Variants in DTHD1 observed in about 807,000 individuals in gnomAD.
DTHD1 encodes the protein death domain containing 1, also known as death domain-containing protein 1.
A neutral mutation model predicts 74.8 loss-of-function variants in DTHD1; 59 were observed. The ratio of observed to expected loss-of-function variants is 0.79; its 90% CI spans 0.64 to 0.98. The LOEUF is 0.98. Ranked by LOEUF, DTHD1 falls within the 50% of genes least tolerant of loss-of-function variation. The pLI is 0.00. For synonymous variants in DTHD1, 365 were observed against 371.1 expected, an observed-to-expected ratio of 0.98 and a Z score of 0.19; for missense variants, 1,051 against 1,065.4, an observed-to-expected ratio of 0.99 and a Z score of 0.19.
chr4:36,284,113 T>A lies in DTHD1; in HGVS notation c.409T>A (p.Ser137Thr). Residue 137 changes from serine to threonine, a missense_variant, in exon 2 of 10, where the codon TCC becomes ACC. Transcript: ENST00000639862. ...HDECTPQQTM[S>T]SIQDTKAADI... ...TGAATGTACTCCACAGCAGACAATG[T>A]CCTCCATTCAAGATACCAAAGCAGC... 1.3e-6 allele frequency: 2 copies of A among 1,537,232 alleles called. No homozygotes were observed. The highest frequency in any genetic ancestry group is 1.7e-6 in the Non-Finnish European group (2 of 1,146,892).
At chr4:36,341,031 G>A (rs1471044449) in intron 9 of DTHD1, among the ~76,000 whole-genome samples, 1 of 152,146 alleles carries the variant, frequency 6.6e-6, no homozygotes, top group East Asian at 1.9e-4. Flanking sequence ...AGTGCAGTGA[G>A]TAGAAGTAGG....
At chr4:36,299,124 AT>A (rs1756612386) in intron 5 of DTHD1, among the ~76,000 whole-genome samples, 1 of 152,014 alleles carries the variant, frequency 6.6e-6, no homozygotes, top group East Asian at 1.9e-4. Context: ...GAAATTTTCA[AT>A]TATTCTTTTG....
At chr4:36,318,236 T>A (rs1460118830) in intron 8 of DTHD1, among the ~76,000 whole-genome samples, 1 of 152,252 alleles carries the variant, frequency 6.6e-6, no homozygotes, top group East Asian at 1.9e-4. Context: ...ATGCTGTCAC[T>A]TTGTTAGCAC....
At chr4:36,306,896 A>C (rs1757087480) in intron 6 of DTHD1, among the ~76,000 whole-genome samples, 1 of 152,212 alleles carries the variant, frequency 6.6e-6, no homozygotes, top group Non-Finnish European at 1.5e-5. Context: ...TTTCCTAGGA[A>C]TAGAGTCTGA....
chr4:36,347,278 TTA>T lies in DTHD1; in HGVS notation c.*3456_*3457del, dbSNP rs767541086. ...ATGAAATTTTGCAGTATATATTCTT[TTA>T]TGTTTGACTTTTTATTCAACTTTAT... On this transcript the variant is annotated 3_prime_UTR_variant, in exon 10 of 10. Transcript: ENST00000639862. Among the ~76,000 whole-genome samples, 6 of 152,318 alleles carry T rather than the reference TTA, an allele frequency of 3.9e-5. No individual in the cohort carries two copies. Among genetic ancestry groups the T allele is most frequent in the South Asian group, 2.1e-4 (1 of 4,832 alleles).
rs1578430090 is a variant in DTHD1, at chr4:36,284,161, C to T, written c.457C>T (p.Leu153=). The T allele has an allele frequency of 3.9e-6, 6 of 1,537,148 alleles. No individual in the cohort carries two copies. The East Asian group carries it at 1.5e-4, about 38-fold the overall frequency. The part of the protein sequence containing the change: ...KAADIAARGE[L]NVIETATVSP... ...AGCAGACATTGCTGCAAGAGGGGAA[C>T]TAAATGTCATAGAAACAGCTACTGT... The change falls in exon 2 of 10, where the codon CTA becomes TTA. Residue 153 remains leucine (L), a synonymous_variant. Coordinates refer to ENST00000639862, the MANE Select transcript of DTHD1 (RefSeq NM_001170700.3).
chr4:36,342,616 T>C (rs778806593), intron 9 of DTHD1, among the ~76,000 whole-genome samples: 3 of 152,028 alleles, frequency 2.0e-5, no homozygotes, highest in Non-Finnish European at 4.4e-5. Context: ...TTCCACAGAA[T>C]TGTTTTTGGG....
chr4:36,339,071 A>G (rs1439575654), intron 8 of DTHD1, 41 bp from the exon 9 acceptor site: 1 of 1,485,622 alleles, frequency 6.7e-7, no homozygotes. Flanking sequence ...TCACAAATTA[A>G]TTACTTCTTC....
intron 3 of DTHD1, among the ~76,000 whole-genome samples, chr4:36,291,603 C>T (rs1489219936): frequency 2.6e-5 from 4 of 152,058 alleles, no homozygotes; most frequent in South Asian, 2.1e-4. Flanking sequence ...CCAAGGTGGG[C>T]GAATCACCTG....
intron 7 of DTHD1, chr4:36,315,679 TCAA>T (rs1757671509): frequency 3.3e-5 from 5 of 152,232 alleles, no homozygotes; most frequent in Admixed American, 6.5e-5. Flanking sequence ...GCTGAATATT[TCAA>T]GTAGTTTCTG....
intron 8 of DTHD1, chr4:36,332,730 G>A (rs1758770394): frequency 6.6e-6 from 1 of 152,152 alleles, no homozygotes; most frequent in Admixed American, 6.5e-5. Flanking sequence ...TCAATCAGGA[G>A]ACCTGATCAC....
At chr4:36,337,715 G>A (rs890481087) in intron 8 of DTHD1, among the ~76,000 whole-genome samples, 1 of 152,060 alleles carries the variant, frequency 6.6e-6, no homozygotes, top group Non-Finnish European at 1.5e-5. Flanking sequence ...CCATGTTTAT[G>A]TAATATTTGT....
chr4:36,332,498 C>T (rs1270454638), intron 8 of DTHD1, among the ~76,000 whole-genome samples: 1 of 152,172 alleles, frequency 6.6e-6, no homozygotes, highest in Non-Finnish European at 1.5e-5. Context: ...CCAAACAAAT[C>T]AGCCCTAAAG....
chr4:36,338,274 A>C (rs1375115481), intron 8 of DTHD1, among the ~76,000 whole-genome samples: 1 of 152,186 alleles, frequency 6.6e-6, no homozygotes, highest in Admixed American at 6.5e-5. Context: ...GGCCCTTGCA[A>C]ATTGTCCCAT....
At chr4:36,298,808 C>A (rs1030438893) in intron 5 of DTHD1, among the ~76,000 whole-genome samples, 24 of 152,118 alleles carry the variant, frequency 1.6e-4, no homozygotes. Flanking sequence ...ACTTACTATG[C>A]AATCAATATT....
intron 7 of DTHD1, among the ~76,000 whole-genome samples, chr4:36,310,900 C>T (rs575352437): frequency 6.6e-6 from 1 of 152,160 alleles, no homozygotes; most frequent in South Asian, 2.1e-4. Flanking sequence ...GTGGAAGAGG[C>T]CCCTTCCTAC....
intron 3 of DTHD1, among the ~76,000 whole-genome samples, chr4:36,292,004 A>G (rs1260694391): frequency 1.3e-5 from 2 of 152,096 alleles, no homozygotes; most frequent in Non-Finnish European, 2.9e-5. Flanking sequence ...TCATATATAC[A>G]TGGAATTATT....
chr4:36,346,536 G>A lies in DTHD1; in HGVS notation c.*2712G>A, dbSNP rs535244144. ...CATCTCCTCTCTTAAGATAATCCAGGAAATCAATCCCATGTGTAATCTGTG... is the reference window on the plus strand; with the variant it reads ...CATCTCCTCTCTTAAGATAATCCAGAAAATCAATCCCATGTGTAATCTGTG... On this transcript the variant is annotated 3_prime_UTR_variant, in exon 10 of 10. Transcript: ENST00000639862. Among the ~76,000 whole-genome samples the A allele has an allele frequency of 1.3e-5, 2 of 152,034 alleles. No individual in the cohort carries two copies. The highest frequency in any genetic ancestry group is 2.4e-5 in the African/African-American group (1 of 41,446).
rs1418867635 is a variant in DTHD1 at position 36,290,696 on chromosome 4, G to C, written c.1211G>C (p.Gly404Ala). The C allele has an allele frequency of 6.5e-7, 1 of 1,534,974 alleles. No homozygotes were observed. Among genetic ancestry groups the C allele is most frequent in the Admixed American group, 2.0e-5 (1 of 50,464 alleles). Residue 404 changes from glycine (G) to alanine (A), a missense_variant, in exon 3 of 10, where the codon GGT (glycine) becomes GCT (alanine). Transcript: ENST00000639862. ...NPNSLEGMKG[G>A]YKGTCASVKV... ...AATTCACTAGAAGGAATGAAGGGAG[G>C]TTATAAGGTTAGTAAATTCTTGGCT...
Sources: gnomAD v4.1 joint callset for allele counts (sites outside exome capture counted in the v4.1 genomes callset) on GRCh38, gnomAD v4.1.1 for gene constraint, MANE v1.5 for transcripts, NCBI Gene and HGNC (gene_info 2026-07-23, HGNC 2026-07-21) for gene names.